Variants in CCSER1 observed in about 807,000 individuals in gnomAD.
CCSER1 encodes the protein serine-rich coiled-coil domain-containing protein 1.
CCSER1 carries 41 observed loss-of-function variants against 82.0 expected under a neutral mutation model. The ratio of observed to expected loss-of-function variants is 0.50; its 90% CI spans 0.39 to 0.65. The LOEUF (loss-of-function observed/expected upper bound fraction) is 0.65. CCSER1 is among the 30% of genes least tolerant of loss of function. The probability of loss-of-function intolerance (pLI) is 0.00; values close to 1 mark genes in which losing one functional copy is unlikely to be tolerated. For missense variants in CCSER1, 1,119 were observed against 1,064.2 expected, an observed-to-expected ratio of 1.05 and a Z score of -0.72; for synonymous variants, 414 against 383.9, an observed-to-expected ratio of 1.08 and a Z score of -0.92.
At chr4:91,048,674 A>T (rs1456826300) in intron 9 of CCSER1, among the ~76,000 whole-genome samples, 3 of 152,158 alleles carry the variant, frequency 2.0e-5, no homozygotes, top group Admixed American at 2.0e-4. Flanking sequence ...TTCACTCATG[A>T]TCGGCATATG....
intron 8 of CCSER1, among the ~76,000 whole-genome samples, chr4:90,873,366 G>A (rs13135385): frequency 0.42 from 63,808 of 151,796 alleles, 14,159 homozygotes; most frequent in African/African-American, 0.56. Flanking sequence ...GTTGGTGAGA[G>A]ACTGATGCAT....
At chr4:91,383,212 TGCATTAA>T in intron 10 of CCSER1, among the ~76,000 whole-genome samples, 1 of 152,266 alleles carries the variant, frequency 6.6e-6, no homozygotes, top group East Asian at 1.9e-4. Context: ...GCCTGTATTG[TGCATTAA>T]GTTCAAAGGC....
At chr4:90,374,656 C>T (rs1236905314) in intron 3 of CCSER1, among the ~76,000 whole-genome samples, 1 of 152,148 alleles carries the variant, frequency 6.6e-6, no homozygotes, top group Non-Finnish European at 1.5e-5. Context: ...CTCACCCACT[C>T]ATGGTACATT....
At chr4:90,304,453 G>A (rs1353672375) in intron 1 of CCSER1, among the ~76,000 whole-genome samples, 1 of 152,144 alleles carries the variant, frequency 6.6e-6, no homozygotes, top group African/African-American at 2.4e-5. Flanking sequence ...ATACACCATG[G>A]AATACTATGC....
At chr4:91,067,322 A>G (rs1459240993) in intron 9 of CCSER1, among the ~76,000 whole-genome samples, 1 of 151,118 alleles carries the variant, frequency 6.6e-6, no homozygotes, top group Admixed American at 6.6e-5. Flanking sequence ...GTACAATAAG[A>G]TGTTTGTCTC....
chr4:90,133,518 A>AAT (rs1723148495), intron 1 of CCSER1, among the ~76,000 whole-genome samples: 1 of 152,208 alleles, frequency 6.6e-6, no homozygotes, highest in African/African-American at 2.4e-5. Flanking sequence ...GTACAATAAT[A>AAT]ATATCACACA....
intron 9 of CCSER1, among the ~76,000 whole-genome samples, chr4:90,931,178 T>C (rs1729765155): frequency 1.3e-5 from 2 of 151,070 alleles, no homozygotes; most frequent in Admixed American, 6.6e-5. Context: ...CATGCACATA[T>C]ATACACACAC....
intron 10 of CCSER1, among the ~76,000 whole-genome samples, chr4:91,481,628 A>C (rs1027277830): frequency 6.6e-6 from 1 of 152,260 alleles, no homozygotes; most frequent in African/African-American, 2.4e-5. Flanking sequence ...AGATTGGGCA[A>C]CACTCTACAA....
chr4:91,282,434 G>C (rs1241257654), intron 10 of CCSER1, among the ~76,000 whole-genome samples: 14 of 152,118 alleles, frequency 9.2e-5, no homozygotes, highest in African/African-American at 3.4e-4. Context: ...ACTTGGGTCT[G>C]TACAGCAATT....
chr4:90,726,643 C>A (rs1356820472), intron 7 of CCSER1, among the ~76,000 whole-genome samples: 4 of 152,026 alleles, frequency 2.6e-5, no homozygotes, highest in African/African-American at 7.2e-5. Flanking sequence ...TAGTCTAAGC[C>A]CCACATACAT....
At chr4:90,477,134 A>C (rs573145147) in intron 5 of CCSER1, among the ~76,000 whole-genome samples, 1 of 152,222 alleles carries the variant, frequency 6.6e-6, no homozygotes. Flanking sequence ...AAGATATTTT[A>C]TTTGAATGTG....
chr4:91,450,972 A>G (rs1345158138), intron 10 of CCSER1, among the ~76,000 whole-genome samples: 1 of 152,064 alleles, frequency 6.6e-6, no homozygotes, highest in African/African-American at 2.4e-5. Flanking sequence ...AAGAAATACA[A>G]TAGACTGAGT....
chr4:91,366,542 CAG>C (rs1749626834), intron 10 of CCSER1, among the ~76,000 whole-genome samples: 1 of 152,182 alleles, frequency 6.6e-6, no homozygotes, highest in South Asian at 2.1e-4. Flanking sequence ...AAGTTTGACT[CAG>C]AGTCCATTTA....
intron 1 of CCSER1, among the ~76,000 whole-genome samples, chr4:90,277,220 A>G (rs1222315863): frequency 6.6e-6 from 1 of 152,172 alleles, no homozygotes; most frequent in Non-Finnish European, 1.5e-5. Context: ...TAATATAGTT[A>G]AAATGGTCAT....
intron 7 of CCSER1, among the ~76,000 whole-genome samples, chr4:90,778,407 T>C (rs758299737): frequency 1.3e-5 from 2 of 152,110 alleles, no homozygotes; most frequent in Non-Finnish European, 2.9e-5. Flanking sequence ...AGTGCATGGA[T>C]AGATGTATCT....
At position 90,691,390 on chromosome 4, in the gene CCSER1, AT is replaced by A. The variant is rs529516613; in HGVS notation, c.1933-32523del. Among the ~76,000 whole-genome samples, 693 of 152,078 alleles carry A rather than the reference AT, an allele frequency of 4.6e-3. 4 individuals carry two copies. The highest frequency in any genetic ancestry group is 6.5e-3 in the Non-Finnish European group (442 of 67,920). On this transcript the variant is annotated intron_variant, in intron 6 of 10. Transcript: ENST00000509176. The stretch of plus-strand genomic sequence containing the variant: ...AACCACCTTAAAAAAACTCATATAT[AT>A]GTGTGTATCCCATAATCCCATACAT...
At chr4:90,644,911 A>G (rs1018872476) in intron 6 of CCSER1, among the ~76,000 whole-genome samples, 2 of 149,194 alleles carry the variant, frequency 1.3e-5, no homozygotes, top group African/African-American at 5.0e-5. Flanking sequence ...ATGAAACCCC[A>G]TCTCCACCGA....
chr4:91,589,711 C>T (rs1764175282), intron 10 of CCSER1, among the ~76,000 whole-genome samples: 1 of 151,628 alleles, frequency 6.6e-6, no homozygotes, highest in African/African-American at 2.4e-5. Context: ...TTAACTCATT[C>T]TTTTATTTAG....
chr4:90,328,789 C>T (rs1738695992), intron 3 of CCSER1, among the ~76,000 whole-genome samples: 1 of 152,102 alleles, frequency 6.6e-6, no homozygotes, highest in Non-Finnish European at 1.5e-5. Flanking sequence ...AATTGTGCCT[C>T]AGGCTGGCTC....
Sources: allele counts gnomAD v4.1 joint callset (sites outside exome capture counted in the v4.1 genomes callset), GRCh38; gene constraint gnomAD v4.1.1; transcripts MANE v1.5; gene names NCBI Gene and HGNC (gene_info 2026-07-23, HGNC 2026-07-21).